The following DNAJC9 variants were observed in gnomAD, a reference collection of about 807,000 sequenced individuals.
DNAJC9 encodes DnaJ heat shock protein family (Hsp40) member C9.
A neutral mutation model predicts 32.4 loss-of-function variants in DNAJC9; 18 were observed. The ratio of observed to expected loss-of-function variants is 0.56; its 90% CI spans 0.38 to 0.82. The LOEUF (loss-of-function observed/expected upper bound fraction) is 0.82. DNAJC9 is among the 40% of genes least tolerant of loss of function. DNAJC9 has a pLI of 0.00. For missense variants in DNAJC9, 310 were observed against 321.8 expected (o/e 0.96, Z 0.28); for synonymous variants, 113 against 122.1 (o/e 0.93, Z 0.49).
rs1212323279 is a variant in DNAJC9 at position 73,242,142 on chromosome 10, A to T, written c.*1258T>A. On this transcript the variant is annotated 3_prime_UTR_variant, in exon 5 of 5. Transcript: ENST00000372950. ...CAGATGCTTCAAACAACCTGCATTAAATTATATTTTTAATAAAATTAAAAT... is the reference window on the plus strand; with the variant it reads ...CAGATGCTTCAAACAACCTGCATTATATTATATTTTTAATAAAATTAAAAT... 6.6e-6 allele frequency: 1 copy of T among 152,166 alleles called. No individual in the cohort carries two copies. Among genetic ancestry groups the T allele is most frequent in the Non-Finnish European group, 1.5e-5 (1 of 68,024 alleles). The allele number at this position is 152,166 out of a possible 1,614,324, so 9.4% of individuals were successfully genotyped here. A position where few individuals can be genotyped will look rare whatever the true frequency, so the allele number is the denominator to read the frequency against.
At chr10:73,234,790 C>G (rs1268134274), downstream of DNAJC9, 7 of 1,549,680 alleles carry the variant, frequency 4.5e-6, no homozygotes, top group East Asian at 1.2e-4. Context: ...GCTTTCATAC[C>G]TTCGTGTTTG....
downstream of DNAJC9, chr10:73,235,282 C>G (rs1407403370): frequency 6.4e-7 from 1 of 1,551,962 alleles, no homozygotes; most frequent in Non-Finnish European, 8.7e-7. Flanking sequence ...TTTTGCCCGA[C>G]TTTTTCCCCA....
intron 2 of DNAJC9, chr10:73,232,974 C>G (rs1280383774): frequency 6.4e-7 from 1 of 1,551,704 alleles, no homozygotes; most frequent in Non-Finnish European, 8.7e-7. Context: ...AGGCCTGGGT[C>G]CAGTACCATC....
chr10:73,246,272 A>T, intron 2 of DNAJC9, 96 bp from the exon 3 acceptor site: 4 of 1,302,282 alleles, frequency 3.1e-6, no homozygotes, highest in Non-Finnish European at 4.3e-6. Context: ...TTGCTGCAAT[A>T]CAACAGTTGC....
downstream of DNAJC9, among the ~76,000 whole-genome samples, chr10:73,240,554 T>A (rs1315794989): frequency 1.3e-5 from 2 of 151,888 alleles, no homozygotes; most frequent in Non-Finnish European, 2.9e-5. Flanking sequence ...CTACTAAAAA[T>A]ACAAAAAATT....
chr10:73,237,300 G>C (rs1224185198), downstream of DNAJC9, among the ~76,000 whole-genome samples: 1 of 152,076 alleles, frequency 6.6e-6, no homozygotes, highest in Non-Finnish European at 1.5e-5. Context: ...TGATTCTTGG[G>C]GTTCAGTGTG....
chr10:73,244,720 G>A (rs1012484093), intron 3 of DNAJC9, among the ~76,000 whole-genome samples: 2 of 151,310 alleles, frequency 1.3e-5, no homozygotes, highest in Admixed American at 6.6e-5. Context: ...TTTGCCAAGT[G>A]TTCCTAGAGC....
downstream of DNAJC9, among the ~76,000 whole-genome samples, chr10:73,240,625 T>C (rs2133420185): frequency 6.6e-6 from 1 of 150,982 alleles, no homozygotes; most frequent in African/African-American, 2.4e-5. Flanking sequence ...GGCAGGAGAA[T>C]GAGGTGAACC....
chr10:73,232,399 A>C (rs7073209), intron 2 of DNAJC9, among the ~76,000 whole-genome samples: 15,973 of 152,122 alleles, frequency 0.11, 1,218 homozygotes, highest in East Asian at 0.31. Context: ...CCCTTTGCCC[A>C]CTCCCAGCTT....
intron 4 of DNAJC9, 91 bp downstream of exon 4, chr10:73,243,752 A>G (rs1243921921): frequency 1.5e-6 from 2 of 1,308,894 alleles, no homozygotes; most frequent in Non-Finnish European, 2.2e-6. Flanking sequence ...GTTATGTCTT[A>G]AAAGAAGAAA....
At chr10:73,234,441 G>A (rs2043777390), downstream of DNAJC9, 1 of 203,750 alleles carries the variant, frequency 4.9e-6, no homozygotes, top group African/African-American at 2.3e-5. Flanking sequence ...GAGAACTATA[G>A]TTATTAGGGA....
At chr10:73,233,335 A>AATTTT in intron 2 of DNAJC9, 1 of 597,304 alleles carries the variant, frequency 1.7e-6, no homozygotes, top group Non-Finnish European at 2.9e-6. Flanking sequence ...AATGTGGTTA[A>AATTTT]ATTTTATTTT....
downstream of DNAJC9, among the ~76,000 whole-genome samples, chr10:73,236,748 G>T (rs1324851257): frequency 6.8e-6 from 1 of 147,138 alleles, no homozygotes; most frequent in Non-Finnish European, 1.5e-5. Context: ...TTTAAGACAG[G>T]GTCTCACTCT....
chr10:73,246,259 G>A, intron 2 of DNAJC9, 83 bp from the exon 3 acceptor site: 2 of 1,444,986 alleles, frequency 1.4e-6, no homozygotes, highest in Middle Eastern at 1.8e-4. Flanking sequence ...GTTGGGTGTT[G>A]AATTGCTGCA....
At position 73,247,173 on chromosome 10, in the gene DNAJC9, A is replaced by C. The variant is rs994373810; in HGVS notation, c.17T>G (p.Leu6Arg). The change falls in exon 1 of 5, where the codon CTT becomes CGT. Residue 6 changes from leucine (L) to arginine (R), a missense_variant. Leu to Arg is a moderately radical substitution (Grantham distance 102). Transcript: ENST00000372950. MGLLD[L>R]CEEVFGTADL... ...GGCGGTGCCGAACACTTCCTCGCAA[A>C]GGTCCAGCAGCCCCATGCCGGGCGG... 6 of 1,595,212 alleles carry C rather than the reference A, an allele frequency of 3.8e-6. No homozygotes were observed. In the Admixed American group the frequency reaches 1.0e-4, roughly 28 times the overall value.
chr10:73,242,737 T>C lies in DNAJC9; in HGVS notation c.*663A>G, dbSNP rs1259039510. On this transcript the variant is annotated 3_prime_UTR_variant, in exon 5 of 5. Transcript: ENST00000372950. ...CTATTATAAAGCTGACCAGGGCTAT[T>C]GTTTTCCCCTTTTCTCTCATCCTAA... 6.6e-6 allele frequency: 1 copy of C among 152,228 alleles called. No homozygotes were observed. The highest frequency in any genetic ancestry group is 2.4e-5 in the African/African-American group (1 of 41,450). The allele number at this position is 152,228 out of a possible 1,614,324, so 9.4% of individuals were successfully genotyped here. A position where few individuals can be genotyped will look rare whatever the true frequency, so the allele number is the denominator to read the frequency against.
downstream of DNAJC9, among the ~76,000 whole-genome samples, chr10:73,239,567 G>C (rs2043896702): frequency 6.6e-6 from 1 of 151,916 alleles, no homozygotes; most frequent in South Asian, 2.1e-4. Context: ...AGCTAGGAGA[G>C]TTCTATTGCT....
chr10:73,243,283 G>A lies in DNAJC9; in HGVS notation c.*117C>T. The A allele has an allele frequency of 8.6e-7, 1 of 1,163,920 alleles. No homozygotes were observed. Among genetic ancestry groups the A allele is most frequent in the Non-Finnish European group, 1.2e-6 (1 of 818,100 alleles). 72.1% of individuals were successfully genotyped at this position (1,163,920 alleles called of 1,614,324 possible). On this transcript the variant is annotated 3_prime_UTR_variant, in exon 5 of 5. Transcript: ENST00000372950. The stretch of plus-strand genomic sequence containing the variant: ...TGGTCTAGTCAATCTGAAAAATTCA[G>A]GCTGGAAAGACACCTTTTCTCAAGA...
intron 3 of DNAJC9, chr10:73,244,265 G>A (rs1014741796): frequency 3.1e-5 from 7 of 227,180 alleles, no homozygotes; most frequent in African/African-American, 1.6e-4. Context: ...GGAGGCCAAG[G>A]TGGGAGGATC....
Sources: gnomAD v4.1 joint callset for allele counts (sites outside exome capture counted in the v4.1 genomes callset) on GRCh38, gnomAD v4.1.1 for gene constraint, MANE v1.5 for transcripts, NCBI Gene and HGNC (gene_info 2026-07-23, HGNC 2026-07-21) for gene names.